Variants in AGAP5 observed in about 807,000 individuals in gnomAD.
AGAP5 encodes ArfGAP with GTPase domain, ankyrin repeat and PH domain 5.
Under a neutral mutation model 27.7 loss-of-function variants are expected in AGAP5, and 8 were observed. The ratio of observed to expected loss-of-function variants is 0.29; its 90% CI spans 0.17 to 0.52. The LOEUF is 0.52. Among genes scored for constraint, AGAP5 ranks in the 20% least tolerant of loss-of-function variants. AGAP5 has a pLI of 0.97. For missense variants in AGAP5, 285 were observed against 880.8 expected (o/e 0.32, Z 8.56); for synonymous variants, 111 against 338.0 (o/e 0.33, Z 7.37).
chr10:73,688,990 C>T (rs1190104046), intron 4 of AGAP5, among the ~76,000 whole-genome samples: 1 of 148,412 alleles, frequency 6.7e-6, no homozygotes, highest in Non-Finnish European at 1.5e-5. Flanking sequence ...CCTCTGCCGC[C>T]TCCGCCTCCG....
chr10:73,679,383 C>G lies in AGAP5; in HGVS notation c.533+688G>C, dbSNP rs190892234. Among the ~76,000 whole-genome samples the G allele has an allele frequency of 2.2e-3, 339 of 151,940 alleles. 2 individuals are homozygous for G. Among genetic ancestry groups the G allele is most frequent in the South Asian group, 0.013 (62 of 4,808 alleles). ...TTCGCCGTGTTAGCCAGAATGGTCT[C>G]GATCTCCTGACCTTGTGATCCGCCC... On this transcript the variant is annotated intron_variant, in intron 6 of 7. Coordinates refer to ENST00000374094, the MANE Select transcript of AGAP5 (RefSeq NM_001144000.4).
Position 73,674,429 on chromosome 10 carries a change from A to G in AGAP5, c.*170T>C. 21 of 1,391,554 alleles carry G rather than the reference A, an allele frequency of 1.5e-5. No homozygotes were observed. Among genetic ancestry groups the G allele is most frequent in the Non-Finnish European group, 2.0e-5 (21 of 1,033,474 alleles). 86.2% of individuals were successfully genotyped at this position (1,391,554 alleles called of 1,614,324 possible). ...CCACCTTGGCAAAAGGACATAAAAT[A>G]TGTCTTATGGTCAGAAAAATCAACA... On this transcript the variant is annotated 3_prime_UTR_variant, in exon 8 of 8. Transcript: ENST00000374094.
chr10:73,696,074 G>A (rs1006911977), intron 2 of AGAP5, among the ~76,000 whole-genome samples: 1 of 151,738 alleles, frequency 6.6e-6, no homozygotes, highest in Non-Finnish European at 1.5e-5. Flanking sequence ...GTGCATTGGC[G>A]TGATCTCTGC....
intron 4 of AGAP5, among the ~76,000 whole-genome samples, chr10:73,687,660 C>A (rs550425107): frequency 1.2e-3 from 190 of 152,272 alleles, no homozygotes; most frequent in African/African-American, 4.2e-3. Context: ...TTAAAAAGTT[C>A]TCTGCCTTAA....
At chr10:73,687,335 G>A (rs543693960) in intron 4 of AGAP5, among the ~76,000 whole-genome samples, 23 of 152,226 alleles carry the variant, frequency 1.5e-4, no homozygotes, top group African/African-American at 4.8e-4. Flanking sequence ...GTTAACTGCA[G>A]CCTCAAACTC....
chr10:73,691,781 C>G lies in AGAP5; in HGVS notation c.396+262G>C, dbSNP rs374177037. On this transcript the variant is annotated intron_variant, in intron 4 of 7. Transcript: ENST00000374094. ...TGCTGTGATTATAGACGTTAGCCAC[C>G]ATGCCCAGCCTTAAGGCAGATCTTT... is the stretch of plus-strand genomic sequence containing the variant. Among the ~76,000 whole-genome samples, 99 of 152,262 alleles carry G rather than the reference C, an allele frequency of 6.5e-4. 2 individuals are homozygous for G. In the East Asian group the frequency reaches 0.018, roughly 28 times the overall value.
At chr10:73,686,137 A>G (rs2095730040) in intron 4 of AGAP5, among the ~76,000 whole-genome samples, 1 of 152,246 alleles carries the variant, frequency 6.6e-6, no homozygotes, top group Non-Finnish European at 1.5e-5. Context: ...GAGGCATGAC[A>G]TTACCTGATT....
At chr10:73,689,085 T>C (rs1276343130) in intron 4 of AGAP5, among the ~76,000 whole-genome samples, 1 of 152,200 alleles carries the variant, frequency 6.6e-6, no homozygotes, top group Non-Finnish European at 1.5e-5. Flanking sequence ...GCAACCTCCC[T>C]GCCTGATTCT....
chr10:73,697,274 T>C (rs2082168661), intron 1 of AGAP5, 111 bp from the exon 2 acceptor site: 1 of 1,514,242 alleles, frequency 6.6e-7, no homozygotes, highest in African/African-American at 1.4e-5. Flanking sequence ...AATGGTCCCA[T>C]GCCAGCCTGG....
Position 73,674,325 on chromosome 10 carries a change from A to G in AGAP5, c.*274T>C. On this transcript the variant is annotated 3_prime_UTR_variant, in exon 8 of 8. Coordinates refer to ENST00000374094, the MANE Select transcript of AGAP5 (RefSeq NM_001144000.4). ...GAACTTTTTTTTCAAATATATTTTC[A>G]CACATTTTATCTAAATACATAATAC... The G allele has an allele frequency of 3.0e-6, 2 of 664,238 alleles. No individual in the cohort carries two copies. 41.1% of individuals were successfully genotyped at this position (664,238 alleles called of 1,614,324 possible). A position where few individuals can be genotyped will look rare whatever the true frequency, so the allele number is the denominator to read the frequency against.
Position 73,675,502 on chromosome 10 carries a change from G to A in AGAP5, c.1158C>T (p.Ser386=), listed in dbSNP as rs1268970949. ...CFSPSISSTT[S]PKLNPPPSPH... ...GAGAGGGGGGCGGGTTGAGCTTGGG[G>A]CTGGTGGTGCTGGAGATACTGGGGC... Residue 386 remains serine, a synonymous_variant, in exon 8 of 8, where the codon AGC becomes AGT. Transcript: ENST00000374094. 7 of 1,613,324 alleles carry A rather than the reference G, an allele frequency of 4.3e-6. No homozygotes were observed. In the Admixed American group the frequency reaches 1.0e-4, roughly 23 times the overall value.
At chr10:73,689,329 G>GCT (rs1243561464) in intron 4 of AGAP5, among the ~76,000 whole-genome samples, 2 of 152,210 alleles carry the variant, frequency 1.3e-5, no homozygotes, top group Non-Finnish European at 2.9e-5. Flanking sequence ...CGTGATCTCG[G>GCT]CTCGCTACAA....
chr10:73,689,773 G>A (rs2082099431), intron 4 of AGAP5, among the ~76,000 whole-genome samples: 1 of 151,788 alleles, frequency 6.6e-6, no homozygotes, highest in Non-Finnish European at 1.5e-5. Flanking sequence ...TCTGAGAAGT[G>A]AGGAGCCCCT....
intron 6 of AGAP5, among the ~76,000 whole-genome samples, chr10:73,678,191 C>G (rs1482343359): frequency 6.6e-6 from 1 of 152,080 alleles, no homozygotes; most frequent in Non-Finnish European, 1.5e-5. Flanking sequence ...TTCAGGAGTT[C>G]GGGACCAGCC....
In AGAP5 at chr10:73,697,964, C is replaced by T. The variant is rs191916962; in HGVS notation, c.-209G>A. 2,403 of 1,501,564 alleles carry T rather than the reference C, an allele frequency of 1.6e-3. 3 individuals are homozygous for T. Among genetic ancestry groups the T allele is most frequent in the Non-Finnish European group, 2.0e-3 (2,283 of 1,129,996 alleles). 93.0% of individuals were successfully genotyped at this position (1,501,564 alleles called of 1,614,324 possible). Reference sequence around the variant, plus strand: ...GCGGGTCAAGGCCCACACCCTGCTGCCTCCCCTGAGTTGACTTGTCTGGGA... The same window carrying T: ...GCGGGTCAAGGCCCACACCCTGCTGTCTCCCCTGAGTTGACTTGTCTGGGA... On this transcript the variant is annotated 5_prime_UTR_variant, in exon 1 of 8. Transcript: ENST00000374094.
chr10:73,687,015 T>A (rs2082070201), intron 4 of AGAP5, among the ~76,000 whole-genome samples: 1 of 151,862 alleles, frequency 6.6e-6, no homozygotes, highest in Admixed American at 6.6e-5. Flanking sequence ...GACTACAAAT[T>A]GGGTTCAGCG....
In AGAP5 at chr10:73,675,002, T is replaced by A. The variant is rs199936837; in HGVS notation, c.1658A>T (p.Lys553Ile). 4.7e-4 allele frequency: 752 copies of A among 1,612,990 alleles called. No homozygotes were observed. Among genetic ancestry groups the A allele is most frequent in the Admixed American group, 3.3e-3 (198 of 59,994 alleles). Residue 553 changes from lysine to isoleucine, a missense_variant, in exon 8 of 8, where the codon AAA (lysine) becomes ATA (isoleucine). Coordinates refer to ENST00000374094, the MANE Select transcript of AGAP5 (RefSeq NM_001144000.4). ...IWEGSSQGQT[K>I]PSVKSTREEK... The stretch of plus-strand genomic sequence containing the variant: ...TTCCCTCGTGGACTTTACTGAGGGT[T>A]TTGTCTGCCCCTGGCTGCTCCCTTC...
Position 73,674,806 on chromosome 10 carries a change from G to A in AGAP5, c.1854C>T (p.Thr618=), listed in dbSNP as rs2081962565. Residue 618 remains threonine (T), a synonymous_variant, in exon 8 of 8, where the codon ACC becomes ACT. Transcript: ENST00000374094. The part of the protein sequence containing the change: ...AHGSREEVNE[T]CGEGDGCTAL... ...CCGTGCAGCCGTCTCCCTCCCCACA[G>A]GTCTCGTTCACCTCCTCACGGGAGC... 1 of 1,611,668 alleles carries A rather than the reference G, an allele frequency of 6.2e-7. No individual in the cohort carries two copies. The highest frequency in any genetic ancestry group is 1.1e-5 in the South Asian group (1 of 90,996).
In AGAP5 at chr10:73,697,699, C is replaced by T. The variant is rs1307798392; in HGVS notation, c.57G>A (p.Gln19=). 1 of 1,598,582 alleles carries T rather than the reference C, an allele frequency of 6.3e-7. No individual in the cohort carries two copies. The highest frequency in any genetic ancestry group is 1.7e-5 in the Admixed American group (1 of 60,020). ...VHPSVSLEFD[Q]QQGSVCPSES... is the part of the protein sequence containing the mutation. ...CAGAGGGACACACCGACCCCTGTTG[C>T]TGGTCAAACTCGAGGCTGACGCTAG... Residue 19 remains glutamine, a synonymous_variant, in exon 1 of 8, where the codon CAG becomes CAA. Coordinates refer to ENST00000374094, the MANE Select transcript of AGAP5 (RefSeq NM_001144000.4).
Sources: allele counts gnomAD v4.1 joint callset (sites outside exome capture counted in the v4.1 genomes callset), GRCh38; gene constraint gnomAD v4.1.1; transcripts MANE v1.5; gene names NCBI Gene and HGNC (gene_info 2026-07-23, HGNC 2026-07-21).